The following TENM3 variants were observed in gnomAD, a reference collection of about 807,000 sequenced individuals.
TENM3 encodes teneurin transmembrane protein 3.
A neutral mutation model predicts 255.1 loss-of-function variants in TENM3; 63 were observed. The observed-to-expected ratio is 0.25, with a 90% CI of 0.20 to 0.30. The LOEUF (loss-of-function observed/expected upper bound fraction) is 0.30. Ranked by LOEUF, TENM3 falls within the 10% of genes least tolerant of loss-of-function variation. The pLI, the probability that TENM3 is intolerant of heterozygous loss-of-function variation, is 1.00. For synonymous variants in TENM3, 1,306 were observed against 1,322.3 expected, an observed-to-expected ratio of 0.99 and a Z score of 0.27; for missense variants, 2,929 against 3,461.1, an observed-to-expected ratio of 0.85 and a Z score of 3.86.
intron 3 of TENM3, among the ~76,000 whole-genome samples, chr4:182,452,350 G>C (rs558020928): frequency 1.3e-4 from 19 of 151,234 alleles, no homozygotes; most frequent in Non-Finnish European, 5.9e-5. Context: ...GGGCGGGGGG[G>C]TGTCCAGTAA....
At chr4:182,771,326 T>C (rs1011495471) in intron 22 of TENM3, among the ~76,000 whole-genome samples, 5 of 152,062 alleles carry the variant, frequency 3.3e-5, no homozygotes, top group Admixed American at 6.6e-5. Context: ...GGTGGTACAA[T>C]CTATATAAAG....
chr4:181,597,224 T>C, the TENM3 span, among the ~76,000 whole-genome samples: 32 of 152,324 alleles, frequency 2.1e-4, no homozygotes, highest in African/African-American at 7.2e-4. Flanking sequence ...GAGTATTTAT[T>C]TCTTTAGGAA....
the TENM3 span, among the ~76,000 whole-genome samples, chr4:181,944,829 C>T: frequency 6.6e-6 from 1 of 152,036 alleles, no homozygotes; most frequent in Non-Finnish European, 1.5e-5. Context: ...GTCATTGCCA[C>T]CACACCCCTG....
the TENM3 span, among the ~76,000 whole-genome samples, chr4:181,653,490 A>G: frequency 6.6e-6 from 1 of 151,918 alleles, no homozygotes; most frequent in Non-Finnish European, 1.5e-5. Context: ...GCTCACTGCA[A>G]CTTCCACCTC....
chr4:182,630,940 G>A (rs1306180366), intron 5 of TENM3, among the ~76,000 whole-genome samples: 2 of 151,814 alleles, frequency 1.3e-5, no homozygotes, highest in Admixed American at 6.6e-5. Flanking sequence ...TATTTTCATG[G>A]TGTGACTAGC....
chr4:182,726,737 G>A (rs1561164957), intron 13 of TENM3, among the ~76,000 whole-genome samples: 1 of 152,150 alleles, frequency 6.6e-6, no homozygotes, highest in Admixed American at 6.5e-5. Context: ...TCTTCAGATG[G>A]CCAAAATGAC....
the TENM3 span, among the ~76,000 whole-genome samples, chr4:181,793,636 A>G: frequency 6.6e-6 from 1 of 152,196 alleles, no homozygotes; most frequent in Non-Finnish European, 1.5e-5. Flanking sequence ...AAAGAACTCA[A>G]TTTCCAATTC....
the TENM3 span, among the ~76,000 whole-genome samples, chr4:181,921,573 T>C: frequency 3.9e-5 from 6 of 152,194 alleles, no homozygotes; most frequent in Admixed American, 6.5e-5. Context: ...GTGATTTTTG[T>C]AGATTGATTT....
chr4:181,882,258 C>G, the TENM3 span, among the ~76,000 whole-genome samples: 10 of 152,272 alleles, frequency 6.6e-5, no homozygotes, highest in Admixed American at 5.9e-4. Flanking sequence ...AAATGAGAAG[C>G]AAATGGATTA....
At chr4:181,683,950 G>A in the TENM3 span, among the ~76,000 whole-genome samples, 1 of 152,274 alleles carries the variant, frequency 6.6e-6, no homozygotes, top group Non-Finnish European at 1.5e-5. Flanking sequence ...GTCTTCATGA[G>A]AATCCAATGG....
chr4:182,143,695 G>C (rs3749569), upstream of TENM3: 2 of 157,330 alleles, frequency 1.3e-5, no homozygotes, highest in African/African-American at 4.9e-5. The surrounding 1 kb of genome is among the most constrained non-coding windows in gnomAD (Gnocchi z 4.3). Flanking sequence ...AGACCCCCAC[G>C]CACGTACCCC....
the TENM3 span, among the ~76,000 whole-genome samples, chr4:182,083,245 T>C: frequency 5.3e-5 from 8 of 152,332 alleles, no homozygotes; most frequent in African/African-American, 1.9e-4. Context: ...TAGGTTTGGA[T>C]TGGGTCAAAT....
At chr4:181,988,097 C>A in the TENM3 span, among the ~76,000 whole-genome samples, 1 of 152,062 alleles carries the variant, frequency 6.6e-6, no homozygotes, top group Non-Finnish European at 1.5e-5. Context: ...ATCTGTCCCT[C>A]GCCTCTCGTC....
intron 1 of TENM3, among the ~76,000 whole-genome samples, chr4:182,215,329 A>T (rs941318674): frequency 2.0e-5 from 3 of 152,216 alleles, no homozygotes; most frequent in Admixed American, 1.3e-4. Flanking sequence ...AGGCAGTTAG[A>T]GCTGAATTGT....
chr4:182,094,841 C>T, the TENM3 span, among the ~76,000 whole-genome samples: 2 of 150,156 alleles, frequency 1.3e-5, no homozygotes, highest in African/African-American at 2.5e-5. Flanking sequence ...AGGAAAGAAT[C>T]GGAAATTAAA....
the TENM3 span, among the ~76,000 whole-genome samples, chr4:181,904,429 C>A: frequency 5.5e-4 from 84 of 152,190 alleles, no homozygotes; most frequent in African/African-American, 2.0e-3. Flanking sequence ...CACTGTATGC[C>A]TGTATCAAAA....
the TENM3 span, among the ~76,000 whole-genome samples, chr4:181,625,444 C>T: frequency 6.6e-6 from 1 of 152,292 alleles, no homozygotes; most frequent in Non-Finnish European, 1.5e-5. Flanking sequence ...TCCATCCCAG[C>T]AACTATCTCT....
At chr4:182,132,576 A>G in the TENM3 span, among the ~76,000 whole-genome samples, 312 of 152,326 alleles carry the variant, frequency 2.0e-3, no homozygotes, top group African/African-American at 7.0e-3. Context: ...GTTGCTTGGA[A>G]CAGGACCTAA....
chr4:182,353,987 G>A (rs997060963), intron 3 of TENM3, among the ~76,000 whole-genome samples: 1 of 151,240 alleles, frequency 6.6e-6, no homozygotes, highest in Non-Finnish European at 1.5e-5. Context: ...AAAAAGTTAC[G>A]ATTTAAATAA....
Sources: gnomAD v4.1 joint callset for allele counts (sites outside exome capture counted in the v4.1 genomes callset) on GRCh38, gnomAD v4.1.1 for gene constraint, Gnocchi (gnomAD v3.1) non-coding constraint, MANE v1.5 for transcripts, NCBI Gene and HGNC (gene_info 2026-07-23, HGNC 2026-07-21) for gene names.